OR1L8: variants seen among roughly 807,000 people sequenced by gnomAD.
OR1L8 encodes the protein olfactory receptor family 1 subfamily L member 8.
For missense variants in OR1L8, 330 were observed against 377.4 expected (o/e 0.87, Z 1.04); for synonymous variants, 148 against 147.0 (o/e 1.01, Z -0.05).
chr9:122,560,265 G>A, the OR1L8 span, among the ~76,000 whole-genome samples: 2 of 152,006 alleles, frequency 1.3e-5, no homozygotes, highest in African/African-American at 4.8e-5. Flanking sequence ...ACACCAATAG[G>A]TCTTGACTCT....
the OR1L8 span, among the ~76,000 whole-genome samples, chr9:122,549,993 A>G: frequency 2.1e-3 from 313 of 152,260 alleles, 1 homozygote; most frequent in African/African-American, 7.1e-3. Context: ...ATCCATGATC[A>G]TGGGATGTTT....
chr9:122,565,445 A>G (rs1829412555), downstream of OR1L8, among the ~76,000 whole-genome samples: 1 of 152,214 alleles, frequency 6.6e-6, no homozygotes, highest in South Asian at 2.1e-4. Flanking sequence ...CAAAATGGCC[A>G]TGGCGGCAGG....
At chr9:122,561,207 T>G in the OR1L8 span, among the ~76,000 whole-genome samples, 1 of 152,166 alleles carries the variant, frequency 6.6e-6, no homozygotes, top group Admixed American at 6.5e-5. Context: ...CCATCATTTA[T>G]GTTCCTGATT....
At chr9:122,549,185 C>T in the OR1L8 span, among the ~76,000 whole-genome samples, 216 of 152,082 alleles carry the variant, frequency 1.4e-3, 1 homozygote, top group Non-Finnish European at 2.6e-3. Flanking sequence ...GTGCTCTCCC[C>T]GCAGTAATGA....
chr9:122,550,184 C>A, the OR1L8 span, among the ~76,000 whole-genome samples: 1 of 152,050 alleles, frequency 6.6e-6, no homozygotes, highest in Non-Finnish European at 1.5e-5. Flanking sequence ...AATATAAAAT[C>A]TCCGAAGATT....
chr9:122,562,749 A>G (rs563776582), downstream of OR1L8, among the ~76,000 whole-genome samples: 126 of 152,230 alleles, frequency 8.3e-4, no homozygotes, highest in African/African-American at 2.7e-3. Flanking sequence ...AATCCCACAA[A>G]TAAGTGAGAA....
chr9:122,575,627 A>G (rs1829639698), intron 3 of OR1L8, among the ~76,000 whole-genome samples: 1 of 152,148 alleles, frequency 6.6e-6, no homozygotes, highest in Non-Finnish European at 1.5e-5. Context: ...ATCAATTTTT[A>G]AAAACTAAAT....
chr9:122,553,813 T>C, the OR1L8 span: 5 of 1,614,096 alleles, frequency 3.1e-6, no homozygotes, highest in Non-Finnish European at 4.2e-6. Flanking sequence ...AACGAGCTGA[T>C]GATCATCACC....
chr9:122,547,263 T>G, the OR1L8 span, among the ~76,000 whole-genome samples: 1 of 152,220 alleles, frequency 6.6e-6, no homozygotes, highest in Non-Finnish European at 1.5e-5. Context: ...GCAAATATAT[T>G]AACAGGACAT....
Position 122,580,789 on chromosome 9 carries a change from T to C in OR1L8, c.-599-2344A>G, listed in dbSNP as rs191616430. ...TTTGTGTTGTATTTGTTTTTTGTTT[T>C]GGGGTTGTTAAAAAATATACTTTTG... On this transcript the variant is annotated intron_variant, in intron 1 of 4. Coordinates refer to ENST00000641027, the MANE Select transcript of OR1L8 (RefSeq NM_001004454.2). Among the ~76,000 whole-genome samples the C allele has an allele frequency of 8.5e-5, 13 of 152,254 alleles. No homozygotes were observed. In the East Asian group the frequency reaches 2.5e-3, roughly 29 times the overall value.
chr9:122,553,146 G>T, the OR1L8 span: 2 of 1,545,802 alleles, frequency 1.3e-6, no homozygotes, highest in Non-Finnish European at 1.8e-6. Context: ...TCTGTAAATT[G>T]ATCTAATAAA....
the OR1L8 span, among the ~76,000 whole-genome samples, chr9:122,558,982 C>T: frequency 6.6e-6 from 1 of 152,056 alleles, no homozygotes; most frequent in African/African-American, 2.4e-5. Flanking sequence ...TACCTGTATA[C>T]ATTGTGTAAT....
At chr9:122,555,822 C>G in the OR1L8 span, among the ~76,000 whole-genome samples, 1 of 152,200 alleles carries the variant, frequency 6.6e-6, no homozygotes, top group Non-Finnish European at 1.5e-5. Flanking sequence ...ATCTCCCGAA[C>G]TAATCCTCAC....
At chr9:122,555,095 T>C in the OR1L8 span, among the ~76,000 whole-genome samples, 2 of 152,182 alleles carry the variant, frequency 1.3e-5, no homozygotes, top group South Asian at 4.1e-4. Context: ...AACATGTAGA[T>C]ATTTTTCAAA....
At chr9:122,546,772 CA>C in the OR1L8 span, among the ~76,000 whole-genome samples, 1 of 151,980 alleles carries the variant, frequency 6.6e-6, no homozygotes, top group Non-Finnish European at 1.5e-5. Flanking sequence ...AAGAATAACG[CA>C]AAGCAAAATA....
At chr9:122,563,184 A>ATTTT (rs61467780), downstream of OR1L8, among the ~76,000 whole-genome samples, 6 of 149,364 alleles carry the variant, frequency 4.0e-5, no homozygotes, top group Non-Finnish European at 8.9e-5. Flanking sequence ...AGCATTTGTT[A>ATTTT]TTTTTTTTTT....
chr9:122,550,706 A>T, the OR1L8 span, among the ~76,000 whole-genome samples: 1 of 152,132 alleles, frequency 6.6e-6, no homozygotes, highest in Non-Finnish European at 1.5e-5. Flanking sequence ...ATATCCCTTC[A>T]TGATAAAAAT....
At chr9:122,551,236 A>G in the OR1L8 span, among the ~76,000 whole-genome samples, 2 of 152,336 alleles carry the variant, frequency 1.3e-5, no homozygotes, top group Admixed American at 1.3e-4. Flanking sequence ...AGAACAAAGC[A>G]TAGTGGATAA....
chr9:122,564,236 T>C (rs1829396354), downstream of OR1L8, among the ~76,000 whole-genome samples: 1 of 152,168 alleles, frequency 6.6e-6, no homozygotes, highest in African/African-American at 2.4e-5. Context: ...CAACTTACGG[T>C]GTGTCCACTC....
Sources: gnomAD v4.1 joint callset for allele counts (sites outside exome capture counted in the v4.1 genomes callset) on GRCh38, gnomAD v4.1.1 for gene constraint, MANE v1.5 for transcripts, NCBI Gene and HGNC (gene_info 2026-07-23, HGNC 2026-07-21) for gene names.